Variants in FARP1 observed in about 807,000 individuals in gnomAD.
FARP1 encodes the protein FERM, ARHGEF and pleckstrin domain-containing protein 1.
FARP1 carries 52 observed loss-of-function variants against 128.8 expected under a neutral mutation model. The observed-to-expected ratio is 0.40, with a 90% CI of 0.32 to 0.51. FARP1 has a LOEUF of 0.51. FARP1 is among the 20% of genes least tolerant of loss of function. FARP1 has a pLI of 0.45. For missense variants in FARP1, 1,333 were observed against 1,367.9 expected (o/e 0.97, Z 0.40); for synonymous variants, 580 against 551.8 (o/e 1.05, Z -0.72).
chr13:98,404,063 A>AT, intron 13 of FARP1: 1 of 154,500 alleles, frequency 6.5e-6, no homozygotes, highest in South Asian at 1.8e-4. Flanking sequence ...CACCATCACC[A>AT]CCACCGTGTT....
intron 1 of FARP1, among the ~76,000 whole-genome samples, chr13:98,207,739 G>T (rs1427353019): frequency 6.6e-6 from 1 of 152,054 alleles, no homozygotes; most frequent in African/African-American, 2.4e-5. Context: ...GAATGGGGAA[G>T]GCCAACTTGA....
At chr13:98,345,944 A>G (rs1888160916) in intron 3 of FARP1, among the ~76,000 whole-genome samples, 1 of 152,208 alleles carries the variant, frequency 6.6e-6, no homozygotes, top group South Asian at 2.1e-4. Flanking sequence ...GCACCGTGCT[A>G]GGTTCACATA....
intron 1 of FARP1, among the ~76,000 whole-genome samples, chr13:98,201,206 G>A (rs1238926549): frequency 6.6e-6 from 1 of 152,206 alleles, no homozygotes; most frequent in Admixed American, 6.5e-5. Flanking sequence ...ACTTCGGGAG[G>A]CCAAGGTGAG....
chr13:98,383,056 C>T (rs550654773), intron 6 of FARP1, among the ~76,000 whole-genome samples: 12 of 152,296 alleles, frequency 7.9e-5, no homozygotes, highest in African/African-American at 2.9e-4. Flanking sequence ...AATGTTGTTT[C>T]AAGACTACTC....
At chr13:98,295,405 T>A (rs1885642841) in intron 2 of FARP1, among the ~76,000 whole-genome samples, 1 of 152,182 alleles carries the variant, frequency 6.6e-6, no homozygotes, top group Admixed American at 6.5e-5. Context: ...CAACCCAGGT[T>A]TGCTATTCTT....
chr13:98,441,169 G>GGGCACAGCTGCTGGACAGTTCCAT (rs1892508129), intron 24 of FARP1, among the ~76,000 whole-genome samples: 1 of 152,192 alleles, frequency 6.6e-6, no homozygotes, highest in Non-Finnish European at 1.5e-5. Flanking sequence ...ACAGGGCCCA[G>GGGCACAGCTGCTGGACAGTTCCAT]GGCACAGCTG....
At chr13:98,268,589 T>G (rs1426661578) in intron 2 of FARP1, among the ~76,000 whole-genome samples, 3 of 152,190 alleles carry the variant, frequency 2.0e-5, no homozygotes, top group Non-Finnish European at 4.4e-5. Context: ...TGCGTCAGCC[T>G]CCTGAGTACC....
At position 98,448,649 on chromosome 13, in the gene FARP1, C is replaced by A. The variant is rs1190454162; in HGVS notation, c.*332C>A. On this transcript the variant is annotated 3_prime_UTR_variant, in exon 27 of 27. Transcript: ENST00000319562. ...ACACACACATCCGTTCAACACAAGA[C>A]AGGGCAAGTGTTTTTCTTCCTAAAA... 1 of 231,946 alleles carries A rather than the reference C, an allele frequency of 4.3e-6. No homozygotes were observed. The highest frequency in any genetic ancestry group is 2.3e-5 in the African/African-American group (1 of 43,992). The allele number at this position is 231,946 out of a possible 1,614,324, so 14.4% of individuals were successfully genotyped here.
At chr13:98,217,584 G>A (rs1375074972) in intron 2 of FARP1, among the ~76,000 whole-genome samples, 1 of 152,198 alleles carries the variant, frequency 6.6e-6, no homozygotes. Flanking sequence ...TGTGGGCTTC[G>A]TAGCTCGGGG....
chr13:98,155,349 A>G (rs75850400), intron 1 of FARP1, among the ~76,000 whole-genome samples: 29 of 149,828 alleles, frequency 1.9e-4, no homozygotes, highest in African/African-American at 6.4e-4. Context: ...GTCTCAAAAA[A>G]AAAAAAAAAA....
At chr13:98,330,647 C>A (rs1471042539) in intron 2 of FARP1, among the ~76,000 whole-genome samples, 4 of 151,752 alleles carry the variant, frequency 2.6e-5, no homozygotes, top group African/African-American at 9.7e-5. Flanking sequence ...CCCAGCTACT[C>A]GAGAGGCTGA....
Position 98,223,361 on chromosome 13 carries a change from C to T in FARP1, c.171+9948C>T, listed in dbSNP as rs535666478. Among the ~76,000 whole-genome samples, 4 of 152,360 alleles carry T rather than the reference C, an allele frequency of 2.6e-5. No individual in the cohort carries two copies. In the East Asian group the frequency reaches 5.8e-4, roughly 22 times the overall value. On this transcript the variant is annotated intron_variant, in intron 2 of 26. Transcript: ENST00000319562. ...TGTTTGTTTGAGACAGAGTCTTGCT[C>T]TGTCACCAGGCTGGAGTGCAGTGGC...
At chr13:98,257,615 C>A (rs557562857) in intron 2 of FARP1, among the ~76,000 whole-genome samples, 2 of 152,078 alleles carry the variant, frequency 1.3e-5, no homozygotes, top group African/African-American at 4.8e-5. Context: ...ACTAAAGATA[C>A]AAAAATTAGC....
At chr13:98,412,812 T>C (rs1421916419) in intron 16 of FARP1, among the ~76,000 whole-genome samples, 7 of 152,202 alleles carry the variant, frequency 4.6e-5, no homozygotes, top group Admixed American at 4.6e-4. Flanking sequence ...AAGACAATTA[T>C]ATGGAGAGAG....
At chr13:98,231,065 A>T (rs1404488646) in intron 2 of FARP1, among the ~76,000 whole-genome samples, 1 of 152,112 alleles carries the variant, frequency 6.6e-6, no homozygotes, top group Admixed American at 6.5e-5. Context: ...TGCCCCCCCC[A>T]TAATTCAGTT....
intron 2 of FARP1, among the ~76,000 whole-genome samples, chr13:98,307,769 C>T (rs375818464): frequency 7.9e-5 from 12 of 152,262 alleles, no homozygotes; most frequent in African/African-American, 2.9e-4. Context: ...CGGTCCCTTA[C>T]GTTTCTGTCT....
At chr13:98,243,038 G>T (rs919487023) in intron 2 of FARP1, among the ~76,000 whole-genome samples, 10 of 152,100 alleles carry the variant, frequency 6.6e-5, no homozygotes, top group Admixed American at 6.5e-4. Context: ...ATTTTATGTC[G>T]AAAGGTTTTA....
chr13:98,439,074 G>C, intron 20 of FARP1, 33 bp from the exon 21 acceptor site: 2 of 1,567,752 alleles, frequency 1.3e-6, no homozygotes, highest in East Asian at 2.2e-5. Context: ...GTCCAAACGT[G>C]GTCTCACCTC....
intron 5 of FARP1, among the ~76,000 whole-genome samples, chr13:98,376,759 G>GTTTTTTTT (rs34686053): frequency 3.9e-5 from 4 of 103,446 alleles, no homozygotes; most frequent in Non-Finnish European, 5.8e-5. Flanking sequence ...GGTTTTTTGT[G>GTTTTTTTT]TTTTTTTTTT....
Sources: gnomAD v4.1 joint callset for allele counts (sites outside exome capture counted in the v4.1 genomes callset) on GRCh38, gnomAD v4.1.1 for gene constraint, MANE v1.5 for transcripts, NCBI Gene and HGNC (gene_info 2026-07-23, HGNC 2026-07-21) for gene names.